Variants in CLCN3 observed in about 807,000 individuals in gnomAD.
CLCN3 encodes Cl-/H+ antiporter 3.
A neutral mutation model predicts 83.4 loss-of-function variants in CLCN3; 16 were observed. The ratio of observed to expected loss-of-function variants is 0.19; its 90% CI spans 0.13 to 0.29. CLCN3 has a LOEUF of 0.29. CLCN3 is among the 10% of genes least tolerant of loss of function. The probability of loss-of-function intolerance (pLI) is 1.00; values close to 1 mark genes in which losing one functional copy is unlikely to be tolerated. For synonymous variants in CLCN3, 322 were observed against 346.2 expected (o/e 0.93, Z 0.78); for missense variants, 544 against 1,006.0 (o/e 0.54, Z 6.21).
chr4:169,625,886 C>T (rs1398793477), intron 1 of CLCN3, among the ~76,000 whole-genome samples: 2 of 152,172 alleles, frequency 1.3e-5, no homozygotes, highest in South Asian at 2.1e-4. Flanking sequence ...ACTTCTGTGA[C>T]CAGATGCTTG....
intron 1 of CLCN3, among the ~76,000 whole-genome samples, chr4:169,633,881 G>A (rs1581189475): frequency 6.6e-6 from 1 of 152,048 alleles, no homozygotes; most frequent in South Asian, 2.1e-4. Flanking sequence ...TCAATGGCTC[G>A]ATAGCCGTAT....
intron 2 of CLCN3, among the ~76,000 whole-genome samples, chr4:169,655,032 A>G (rs1730841251): frequency 6.6e-6 from 1 of 152,196 alleles, no homozygotes; most frequent in African/African-American, 2.4e-5. Flanking sequence ...ATTAGGTTAT[A>G]TCTTCCTGGT....
rs72696658 is a variant in CLCN3 at position 169,720,163 on chromosome 4, G to T, written c.*166G>T. The T allele has an allele frequency of 4.9e-3, 4,727 of 966,094 alleles. 58 individuals carry two copies. Among genetic ancestry groups the T allele is most frequent in the Middle Eastern group, 0.029 (96 of 3,346 alleles). 59.8% of individuals were successfully genotyped at this position (966,094 alleles called of 1,614,324 possible). On this transcript the variant is annotated 3_prime_UTR_variant, in exon 13 of 13. Coordinates refer to ENST00000513761, the MANE Select transcript of CLCN3 (RefSeq NM_001829.4). ...AACATGGTTTGCAAATAATGCTGGT[G>T]GAATGGAGGAGTTGTTTGGGGAGGG...
chr4:169,667,891 A>G (rs1293790099), intron 2 of CLCN3, among the ~76,000 whole-genome samples: 3 of 151,384 alleles, frequency 2.0e-5, no homozygotes, highest in East Asian at 1.9e-4. Context: ...GACTACAGGC[A>G]TATGCCACTA....
chr4:169,628,662 G>C (rs990376922), intron 1 of CLCN3, among the ~76,000 whole-genome samples: 1 of 152,194 alleles, frequency 6.6e-6, no homozygotes, highest in African/African-American at 2.4e-5. Context: ...TGCTGGCAAC[G>C]AGGTCAAGAA....
intron 2 of CLCN3, among the ~76,000 whole-genome samples, chr4:169,645,885 G>A (rs1463723649): frequency 1.3e-5 from 2 of 152,102 alleles, no homozygotes; most frequent in Admixed American, 1.3e-4. Flanking sequence ...GACTTTATCT[G>A]TATTTGTCTT....
chr4:169,675,324 A>G (rs1731634293), intron 2 of CLCN3, among the ~76,000 whole-genome samples: 1 of 152,182 alleles, frequency 6.6e-6, no homozygotes. Context: ...CTAGTCTAAG[A>G]ATGTTTATAG....
In CLCN3 at chr4:169,692,140, C is replaced by A; in HGVS notation, c.756C>A (p.Ile252=). ...TTAAAACTATTTTAAGTGGATTCAT[C>A]ATCAGAGGTTACTTGGGAAAATGGA... The part of the protein sequence containing the change: ...PEIKTILSGF[I]IRGYLGKWTL... Residue 252 remains isoleucine (I), a synonymous_variant, in exon 7 of 13, where the codon ATC becomes ATA. Transcript: ENST00000513761. The A allele has an allele frequency of 6.2e-7, 1 of 1,604,780 alleles. No homozygotes were observed. Among genetic ancestry groups the A allele is most frequent in the Non-Finnish European group, 8.5e-7 (1 of 1,172,050 alleles).
At chr4:169,630,481 T>G (rs1386465680) in intron 1 of CLCN3, among the ~76,000 whole-genome samples, 1 of 152,204 alleles carries the variant, frequency 6.6e-6, no homozygotes, top group East Asian at 1.9e-4. Context: ...TTTATGGCTG[T>G]GTAGTGTTCC....
At chr4:169,690,432 A>G in intron 5 of CLCN3, 98 bp from the exon 6 acceptor site, 1 of 1,267,678 alleles carries the variant, frequency 7.9e-7, no homozygotes, top group South Asian at 1.4e-5. Context: ...GGCGTGAGCC[A>G]CCATGCCTGG....
At chr4:169,699,686 A>G (rs755159135) in intron 9 of CLCN3, among the ~76,000 whole-genome samples, 1 of 152,134 alleles carries the variant, frequency 6.6e-6, no homozygotes, top group African/African-American at 2.4e-5. Flanking sequence ...GATCGAGACC[A>G]TCCTGGCTAA....
rs561909265 is a variant in CLCN3, at chr4:169,665,598, A to T, written c.161-14452A>T. On this transcript the variant is annotated intron_variant, in intron 2 of 12. Transcript: ENST00000513761. ...CCATTTCTTATCAGTAGGGTCACAG[A>T]GAGAGAAAAAAAAAAACCATCTGGG... 7.6e-4 allele frequency among the ~76,000 whole-genome samples: 89 copies of T among 117,224 alleles called. 1 individual carries two copies. The highest frequency in any genetic ancestry group is 3.0e-3 in the African/African-American group (87 of 29,192). 76.9% of individuals were successfully genotyped at this position (117,224 alleles called of 152,430 possible).
intron 9 of CLCN3, among the ~76,000 whole-genome samples, chr4:169,699,609 C>T (rs113643024): frequency 9.9e-5 from 15 of 152,226 alleles, no homozygotes; most frequent in Admixed American, 3.9e-4. Context: ...CCTGGCCAGG[C>T]GCAGTGGCTC....
rs184860785 is a variant in CLCN3, at chr4:169,630,421, A to G, written c.-16-5492A>G. ...TTACTGTGTTAATTCACTTAGGATAATGGTCTCCAGCAGCATCCCCATTGC... is the reference window on the plus strand; with the variant it reads ...TTACTGTGTTAATTCACTTAGGATAGTGGTCTCCAGCAGCATCCCCATTGC... On this transcript the variant is annotated intron_variant, in intron 1 of 12. Coordinates refer to ENST00000513761, the MANE Select transcript of CLCN3 (RefSeq NM_001829.4). 5.5e-4 allele frequency among the ~76,000 whole-genome samples: 84 copies of G among 152,326 alleles called. No individual in the cohort carries two copies. In the East Asian group the frequency reaches 0.012, roughly 21 times the overall value.
At chr4:169,653,501 C>T (rs1029436449) in intron 2 of CLCN3, among the ~76,000 whole-genome samples, 1 of 151,652 alleles carries the variant, frequency 6.6e-6, no homozygotes, top group Non-Finnish European at 1.5e-5. Context: ...ATTAGTCAGG[C>T]GTGGTGGTGG....
chr4:169,643,315 C>CAT (rs1180968539), intron 2 of CLCN3: 1 of 152,246 alleles, frequency 6.6e-6, no homozygotes, highest in Non-Finnish European at 1.5e-5. Flanking sequence ...ACTGCAACCT[C>CAT]TGCCTCCTAG....
At position 169,695,659 on chromosome 4, in the gene CLCN3, A is replaced by T; in HGVS notation, c.984A>T (p.Ala328=). Residue 328 remains alanine, a synonymous_variant, in exon 8 of 13, where the codon GCA becomes GCT. Transcript: ENST00000513761. ...SAAGVSVAFG[A]PIGGVLFSLE... ...CAGGGGTTTCTGTAGCTTTTGGTGC[A>T]CCAATTGGAGGAGTTCTTTTTAGCC... 1 of 1,613,662 alleles carries T rather than the reference A, an allele frequency of 6.2e-7. No homozygotes were observed. The highest frequency in any genetic ancestry group is 8.5e-7 in the Non-Finnish European group (1 of 1,179,734).
chr4:169,625,194 C>T (rs1006590289), intron 1 of CLCN3, among the ~76,000 whole-genome samples: 4 of 152,204 alleles, frequency 2.6e-5, no homozygotes, highest in African/African-American at 9.6e-5. Context: ...TTTCACCTCT[C>T]TGCCATCGTT....
intron 6 of CLCN3, among the ~76,000 whole-genome samples, chr4:169,691,516 T>C (rs1039876764): frequency 7.2e-5 from 11 of 152,186 alleles, no homozygotes; most frequent in African/African-American, 2.7e-4. Context: ...TGAACTTATC[T>C]CTTCTCTTTT....
Sources: allele counts gnomAD v4.1 joint callset (sites outside exome capture counted in the v4.1 genomes callset), GRCh38; gene constraint gnomAD v4.1.1; transcripts MANE v1.5; gene names NCBI Gene and HGNC (gene_info 2026-07-23, HGNC 2026-07-21).